The following KCNIP1 variants were observed in gnomAD, a reference collection of about 807,000 sequenced individuals.
KCNIP1 encodes the protein A-type potassium channel modulatory protein KCNIP1.
KCNIP1 carries 18 observed loss-of-function variants against 33.0 expected under a neutral mutation model. The observed-to-expected ratio is 0.55, with a 90% CI of 0.38 to 0.81. The LOEUF (loss-of-function observed/expected upper bound fraction) is 0.81. Among genes scored for constraint, KCNIP1 ranks in the 30% least tolerant of loss-of-function variants. The pLI, the probability that KCNIP1 is intolerant of heterozygous loss-of-function variation, is 0.00. For missense variants in KCNIP1, 238 were observed against 271.6 expected, an observed-to-expected ratio of 0.88 and a Z score of 0.87; for synonymous variants, 93 against 98.3, an observed-to-expected ratio of 0.95 and a Z score of 0.32.
chr5:170,477,768 T>C (rs1173773323), intron 1 of KCNIP1, among the ~76,000 whole-genome samples: 2 of 152,178 alleles, frequency 1.3e-5, no homozygotes, highest in Non-Finnish European at 2.9e-5. Flanking sequence ...ATTTACTTGA[T>C]AGCCAGGTTT....
intron 1 of KCNIP1, among the ~76,000 whole-genome samples, chr5:170,550,532 T>C (rs1273906893): frequency 5.4e-5 from 8 of 148,318 alleles, no homozygotes; most frequent in Non-Finnish European, 7.4e-5. Context: ...ATGATGATGA[T>C]GGTGATAATG....
intron 1 of KCNIP1, among the ~76,000 whole-genome samples, chr5:170,543,913 A>G (rs1218458336): frequency 6.6e-5 from 10 of 152,246 alleles, no homozygotes; most frequent in African/African-American, 2.2e-4. Context: ...TACAACAACC[A>G]ACAAGCCGAA....
intron 1 of KCNIP1, among the ~76,000 whole-genome samples, chr5:170,566,946 GAGAA>G (rs1387755440): frequency 2.6e-5 from 4 of 152,262 alleles, no homozygotes; most frequent in Non-Finnish European, 5.9e-5. Flanking sequence ...TGGATATTCA[GAGAA>G]AGAGTGTGAT....
In KCNIP1 at chr5:170,705,254, G is replaced by A. The variant is rs143806903; in HGVS notation, c.62-13504G>A. On this transcript the variant is annotated intron_variant, in intron 1 of 7. Coordinates refer to ENST00000328939, the MANE Select transcript of KCNIP1 (RefSeq NM_014592.4). ...CAAGGCTTCATTTATTAAGTGCACA[G>A]TTAAGAGGCTTCAGAGCTGAATCCT... 3.2e-3 allele frequency among the ~76,000 whole-genome samples: 494 copies of A among 152,294 alleles called. 8 individuals are homozygous for A. Among genetic ancestry groups the A allele is most frequent in the Admixed American group, 0.011 (161 of 15,292 alleles).
chr5:170,364,936 A>G (rs1024907122), intron 1 of KCNIP1, among the ~76,000 whole-genome samples: 2 of 152,210 alleles, frequency 1.3e-5, no homozygotes, highest in Admixed American at 1.3e-4. Context: ...TCAAGTATAC[A>G]GTGCAGTCTT....
intron 1 of KCNIP1, among the ~76,000 whole-genome samples, chr5:170,411,360 CCCAGGGGTTCGTA>C (rs1755183333): frequency 6.6e-6 from 1 of 152,324 alleles, no homozygotes; most frequent in East Asian, 1.9e-4. Context: ...ATGGTTCAAA[CCCAGGGGTTCGTA>C]CCTTCAAAGA....
chr5:170,471,797 T>C (rs1381189154), intron 1 of KCNIP1, among the ~76,000 whole-genome samples: 1 of 152,212 alleles, frequency 6.6e-6, no homozygotes, highest in African/African-American at 2.4e-5. Context: ...CCCACTCATT[T>C]ATCACCTTTT....
intron 1 of KCNIP1, among the ~76,000 whole-genome samples, chr5:170,555,375 G>A (rs1338742376): frequency 1.3e-5 from 2 of 152,164 alleles, no homozygotes; most frequent in Non-Finnish European, 2.9e-5. Flanking sequence ...AGCATGAATG[G>A]AGCACCTACC....
chr5:170,709,277 AT>A (rs796388713), intron 1 of KCNIP1, among the ~76,000 whole-genome samples: 2 of 152,206 alleles, frequency 1.3e-5, no homozygotes, highest in South Asian at 4.1e-4. Flanking sequence ...TGAATTTATT[AT>A]TTTTCCTTTT....
At chr5:170,705,595 T>G (rs1763232434) in intron 1 of KCNIP1, among the ~76,000 whole-genome samples, 1 of 152,218 alleles carries the variant, frequency 6.6e-6, no homozygotes, top group Admixed American at 6.5e-5. Context: ...ACTGAGATGA[T>G]CAACAGTCTT....
intron 1 of KCNIP1, among the ~76,000 whole-genome samples, chr5:170,533,078 G>A (rs1755841519): frequency 6.6e-6 from 1 of 152,194 alleles, no homozygotes; most frequent in Non-Finnish European, 1.5e-5. Flanking sequence ...AGTTGTAAAA[G>A]TCTGTTTAGA....
chr5:170,710,021 C>G (rs1763391325), intron 1 of KCNIP1, among the ~76,000 whole-genome samples: 1 of 152,192 alleles, frequency 6.6e-6, no homozygotes, highest in Non-Finnish European at 1.5e-5. Context: ...GCGCGCACCA[C>G]CATGCCCAGC....
At chr5:170,560,543 C>T (rs960229037) in intron 1 of KCNIP1, among the ~76,000 whole-genome samples, 9 of 152,112 alleles carry the variant, frequency 5.9e-5, no homozygotes, top group Non-Finnish European at 1.3e-4. Context: ...CCCTGTCACA[C>T]AGCAGTGTTG....
intron 1 of KCNIP1, among the ~76,000 whole-genome samples, chr5:170,693,752 G>A (rs1223804650): frequency 1.3e-5 from 2 of 152,202 alleles, no homozygotes; most frequent in East Asian, 1.9e-4. Context: ...GTCATATCAC[G>A]TGAGCTGCAT....
Position 170,567,622 on chromosome 5 carries a change from G to A in KCNIP1, c.61+62989G>A, listed in dbSNP as rs143095629. 3.1e-4 allele frequency among the ~76,000 whole-genome samples: 47 copies of A among 152,306 alleles called. 1 individual carries two copies. The East Asian group carries it at 4.2e-3, about 14-fold the overall frequency. ...ATGGGGAAGGACAGTTGAGGCTAGC[G>A]CCAGGGGGAAGGGCCATTGGTGAGG... On this transcript the variant is annotated intron_variant, in intron 1 of 7. Coordinates refer to ENST00000328939, the MANE Select transcript of KCNIP1 (RefSeq NM_014592.4).
chr5:170,730,387 C>T (rs1443581235), intron 5 of KCNIP1, among the ~76,000 whole-genome samples: 1 of 152,076 alleles, frequency 6.6e-6, no homozygotes, highest in Non-Finnish European at 1.5e-5. Context: ...TAATAAAGTA[C>T]CCCTTAAAAG....
At chr5:170,378,992 G>T (rs779144526) in intron 1 of KCNIP1, 2 of 1,608,380 alleles carry the variant, frequency 1.2e-6, no homozygotes, top group South Asian at 1.1e-5. Flanking sequence ...AGAAACAAGA[G>T]CAGCTGTGGG....
chr5:170,436,088 G>A (rs1581190731), intron 1 of KCNIP1, among the ~76,000 whole-genome samples: 1 of 152,280 alleles, frequency 6.6e-6, no homozygotes, highest in South Asian at 2.1e-4. Flanking sequence ...GGACTGTGGA[G>A]CCGAGAAGAT....
chr5:170,613,094 T>C (rs1376677986), intron 1 of KCNIP1, among the ~76,000 whole-genome samples: 1 of 152,220 alleles, frequency 6.6e-6, no homozygotes, highest in Admixed American at 6.5e-5. Flanking sequence ...ATCCCTTTGT[T>C]CCCAATGCCC....
Sources: allele counts gnomAD v4.1 joint callset (sites outside exome capture counted in the v4.1 genomes callset), GRCh38; gene constraint gnomAD v4.1.1; transcripts MANE v1.5; gene names NCBI Gene and HGNC (gene_info 2026-07-23, HGNC 2026-07-21).